The following CRIM1 variants were observed in gnomAD, a reference collection of about 807,000 sequenced individuals.
CRIM1 encodes the protein cysteine rich transmembrane BMP regulator 1, also known as cysteine-rich motor neuron 1 protein.
A neutral mutation model predicts 116.4 loss-of-function variants in CRIM1; 32 were observed. The ratio of observed to expected loss-of-function variants is 0.27; its 90% CI spans 0.21 to 0.37. The LOEUF is 0.37. CRIM1 is among the 10% of genes least tolerant of loss of function. The pLI is 1.00. For synonymous variants in CRIM1, 590 were observed against 509.2 expected, an observed-to-expected ratio of 1.16 and a Z score of -2.13; for missense variants, 1,331 against 1,354.8, an observed-to-expected ratio of 0.98 and a Z score of 0.28.
intron 13 of CRIM1, among the ~76,000 whole-genome samples, chr2:36,534,199 A>G (rs1476919052): frequency 2.6e-5 from 3 of 114,308 alleles, no homozygotes; most frequent in Admixed American, 1.9e-4. Context: ...GGAAGGAGGG[A>G]GAAAAGGATG....
At chr2:36,451,572 A>G (rs1210351351) in intron 4 of CRIM1, among the ~76,000 whole-genome samples, 1 of 152,192 alleles carries the variant, frequency 6.6e-6, no homozygotes, top group Non-Finnish European at 1.5e-5. Context: ...CTTCTGAGAA[A>G]TGGAACGAGC....
chr2:36,474,326 G>A (rs1024020270), intron 5 of CRIM1, among the ~76,000 whole-genome samples: 1 of 151,956 alleles, frequency 6.6e-6, no homozygotes, highest in Admixed American at 6.6e-5. Flanking sequence ...AATTGATGAA[G>A]TCCAGTTTAT....
rs772545892 is a variant in CRIM1, at chr2:36,356,451, G to A, written c.159G>A (p.Gly53=). The A allele has an allele frequency of 3.7e-6, 6 of 1,612,354 alleles. No homozygotes were observed. Among genetic ancestry groups the A allele is most frequent in the East Asian group, 2.2e-5 (1 of 44,850 alleles). ...SKCEEPRNCP[G]SIVQGVCGCC... ...GCGAGGAGCCCAGGAACTGCCCGGGGAGCATCGTGCAGGGCGTCTGCGGCT... is the reference window on the plus strand; with the variant it reads ...GCGAGGAGCCCAGGAACTGCCCGGGAAGCATCGTGCAGGGCGTCTGCGGCT... The change falls in exon 1 of 17, where the codon GGG becomes GGA. Residue 53 remains glycine, a synonymous_variant. Coordinates refer to ENST00000280527, the MANE Select transcript of CRIM1 (RefSeq NM_016441.3). The surrounding 1 kb of genome is among the most constrained non-coding windows in gnomAD (Gnocchi z 4.3).
At chr2:36,446,974 A>C (rs943871682) in intron 4 of CRIM1, among the ~76,000 whole-genome samples, 14 of 152,270 alleles carry the variant, frequency 9.2e-5, no homozygotes, top group African/African-American at 3.4e-4. Flanking sequence ...ACATTAATGC[A>C]AATTATTTCT....
rs957237942 is a variant in CRIM1, at chr2:36,434,903, T to C, written c.506-6355T>C. Among the ~76,000 whole-genome samples, 3 of 152,302 alleles carry C rather than the reference T, an allele frequency of 2.0e-5. No individual in the cohort carries two copies. In the East Asian group the frequency reaches 5.8e-4, roughly 29 times the overall value. ...TGTGTTTTGTGTGCTTTCTCCCTTC[T>C]TTCATGCAAGCCTGTGTTGCGATGC... On this transcript the variant is annotated intron_variant, in intron 2 of 16. Transcript: ENST00000280527.
intron 1 of CRIM1, among the ~76,000 whole-genome samples, chr2:36,380,719 G>T (rs1033789895): frequency 6.6e-6 from 1 of 152,260 alleles, no homozygotes. Flanking sequence ...ATTTCTGTTC[G>T]TTAGCCAAAA....
chr2:36,418,377 C>G (rs1673784674), intron 2 of CRIM1, among the ~76,000 whole-genome samples: 1 of 152,160 alleles, frequency 6.6e-6, no homozygotes, highest in Admixed American at 6.5e-5. Context: ...AATTATGGTT[C>G]ACTGCAGCCT....
Position 36,546,645 on chromosome 2 carries a change from T to C in CRIM1, c.2747-339T>C, listed in dbSNP as rs377094527. Among the ~76,000 whole-genome samples the C allele has an allele frequency of 2.0e-4, 31 of 152,150 alleles. No homozygotes were observed. The East Asian group carries it at 5.0e-3, about 25-fold the overall frequency. On this transcript the variant is annotated intron_variant, in intron 15 of 16. Coordinates refer to ENST00000280527, the MANE Select transcript of CRIM1 (RefSeq NM_016441.3). ...CTGAGAAGACCATGTATGTTAACAG[T>C]AATCAAAATATTTTCATGGTCTAAT... is the stretch of plus-strand genomic sequence containing the variant.
chr2:36,541,137 G>A (rs746516635), intron 14 of CRIM1, among the ~76,000 whole-genome samples: 8 of 151,866 alleles, frequency 5.3e-5, no homozygotes, highest in East Asian at 1.9e-4. Context: ...TTCTTGCATC[G>A]GTTCATTGTG....
chr2:36,417,598 C>T (rs968586923), intron 2 of CRIM1, among the ~76,000 whole-genome samples: 1 of 152,092 alleles, frequency 6.6e-6, no homozygotes, highest in African/African-American at 2.4e-5. Flanking sequence ...AAGCTAAAGA[C>T]CTATCTCCAC....
intron 5 of CRIM1, among the ~76,000 whole-genome samples, chr2:36,468,511 G>C (rs1193126065): frequency 6.6e-6 from 1 of 152,150 alleles, no homozygotes; most frequent in Non-Finnish European, 1.5e-5. Flanking sequence ...CAAGATCCTT[G>C]TTATTTAGAA....
chr2:36,410,786 G>A (rs1163738399), intron 2 of CRIM1, among the ~76,000 whole-genome samples: 2 of 151,868 alleles, frequency 1.3e-5, no homozygotes, highest in East Asian at 3.9e-4. Flanking sequence ...ATAAATATCA[G>A]AGTTGTGGTT....
intron 5 of CRIM1, among the ~76,000 whole-genome samples, chr2:36,473,392 A>G (rs1216939291): frequency 6.6e-6 from 1 of 152,088 alleles, no homozygotes. Context: ...CAATTTACCA[A>G]CTTAAGTTGT....
At chr2:36,467,174 G>A (rs185937790) in intron 5 of CRIM1, among the ~76,000 whole-genome samples, 94 of 152,288 alleles carry the variant, frequency 6.2e-4, no homozygotes, top group Non-Finnish European at 1.2e-3. Context: ...ATCTCTGGTC[G>A]TTGCTTCTTT....
chr2:36,376,088 T>A (rs758198813), intron 1 of CRIM1, among the ~76,000 whole-genome samples: 2 of 152,186 alleles, frequency 1.3e-5, no homozygotes, highest in Non-Finnish European at 2.9e-5. Context: ...AGAGAGGGCC[T>A]GGACTTCCCT....
intron 1 of CRIM1, among the ~76,000 whole-genome samples, chr2:36,391,065 C>T (rs1045452370): frequency 6.7e-6 from 1 of 149,578 alleles, no homozygotes; most frequent in Admixed American, 6.7e-5. Flanking sequence ...CTTTCTTAGT[C>T]TCCCAAAGTG....
At chr2:36,369,538 G>T (rs1480765524) in intron 1 of CRIM1, among the ~76,000 whole-genome samples, 1 of 152,114 alleles carries the variant, frequency 6.6e-6, no homozygotes, top group East Asian at 1.9e-4. Flanking sequence ...ACGACAAAAA[G>T]TTCTGTAAAA....
chr2:36,482,917 A>T (rs778303419), intron 7 of CRIM1, among the ~76,000 whole-genome samples: 2 of 152,126 alleles, frequency 1.3e-5, no homozygotes, highest in Non-Finnish European at 2.9e-5. Flanking sequence ...TGACAAGATA[A>T]TGTGTCTTTT....
At position 36,437,622 on chromosome 2, in the gene CRIM1, A is replaced by AT. The variant is rs1675420490; in HGVS notation, c.506-3633dup. On this transcript the variant is annotated intron_variant, in intron 2 of 16. Coordinates refer to ENST00000280527, the MANE Select transcript of CRIM1 (RefSeq NM_016441.3). ...TGATCATCTTGAAAAGTTGAAAAGC[A>AT]TTTAATAAGATTTAACCTGCATTTT... Among the ~76,000 whole-genome samples, 5 of 152,222 alleles carry AT rather than the reference A, an allele frequency of 3.3e-5. No individual in the cohort carries two copies. In the South Asian group the frequency reaches 1.0e-3, roughly 32 times the overall value.
Sources: allele counts gnomAD v4.1 joint callset (sites outside exome capture counted in the v4.1 genomes callset), GRCh38; gene constraint gnomAD v4.1.1; non-coding constraint Gnocchi (gnomAD v3.1); transcripts MANE v1.5; gene names NCBI Gene and HGNC (gene_info 2026-07-23, HGNC 2026-07-21).